Variants in TNIK observed in about 807,000 individuals in gnomAD.
TNIK encodes the protein TRAF2 and NCK-interacting protein kinase.
In TNIK, 49 loss-of-function variants were observed where a neutral mutation model predicts 191.3. The observed-to-expected ratio is 0.26, with a 90% CI of 0.20 to 0.32. The LOEUF (loss-of-function observed/expected upper bound fraction) is 0.32. Ranked by LOEUF, TNIK falls within the 10% of genes least tolerant of loss-of-function variation. The pLI, the probability that TNIK is intolerant of heterozygous loss-of-function variation, is 1.00. For synonymous variants in TNIK, 594 were observed against 600.9 expected (o/e 0.99, Z 0.17); for missense variants, 1,155 against 1,702.3 (o/e 0.68, Z 5.66).
chr3:171,170,573 A>G (rs1735140018), intron 9 of TNIK, among the ~76,000 whole-genome samples: 1 of 152,186 alleles, frequency 6.6e-6, no homozygotes, highest in Admixed American at 6.5e-5. Context: ...TACTTATCTC[A>G]AAAAAAGTTA....
chr3:171,164,335 T>C (rs1734356168), intron 10 of TNIK, among the ~76,000 whole-genome samples: 1 of 152,164 alleles, frequency 6.6e-6, no homozygotes. Flanking sequence ...GGGAGATGGG[T>C]CATGAGTTCT....
rs1305704996 is a variant in TNIK, at chr3:171,168,472, C to T, written c.774-1202G>A. On this transcript the variant is annotated intron_variant, in intron 9 of 32. Transcript: ENST00000436636. ...AGAACACAATGGAGAGCATGTTCTT[C>T]AACACTCAAACATGACAGGGCACTT... Among the ~76,000 whole-genome samples, 4 of 152,196 alleles carry T rather than the reference C, an allele frequency of 2.6e-5. No homozygotes were observed. The East Asian group carries it at 5.8e-4, about 22-fold the overall frequency.
At position 171,168,581 on chromosome 3, in the gene TNIK, A is replaced by AT. The variant is rs561331243; in HGVS notation, c.774-1312dup. Among the ~76,000 whole-genome samples the AT allele has an allele frequency of 2.5e-3, 382 of 150,422 alleles. 3 individuals carry two copies. The highest frequency in any genetic ancestry group is 2.9e-3 in the Non-Finnish European group (196 of 67,458). On this transcript the variant is annotated intron_variant, in intron 9 of 32. Coordinates refer to ENST00000436636, the MANE Select transcript of TNIK (RefSeq NM_015028.4). ...GTTTTTAAAGTACTGAATCACTGGT[A>AT]TTTTTTTTTTCCGCTCTAAATTTCT...
intron 2 of TNIK, among the ~76,000 whole-genome samples, chr3:171,276,488 G>A (rs1249148081): frequency 2.0e-5 from 3 of 152,166 alleles, no homozygotes; most frequent in Non-Finnish European, 4.4e-5. Flanking sequence ...AAGGGAAAAT[G>A]GCATTTGGAA....
intron 1 of TNIK, among the ~76,000 whole-genome samples, chr3:171,380,027 GCGCACACACA>G (rs1176719082): frequency 3.4e-5 from 5 of 147,206 alleles, no homozygotes; most frequent in African/African-American, 7.8e-5. Flanking sequence ...ACACACACAC[GCGCACACACA>G]CACACACACA....
intron 1 of TNIK, among the ~76,000 whole-genome samples, chr3:171,419,973 T>A (rs1310096578): frequency 6.6e-6 from 1 of 152,204 alleles, no homozygotes; most frequent in Non-Finnish European, 1.5e-5. Context: ...ATGAACATGT[T>A]TGTGACTCGA....
intron 1 of TNIK, among the ~76,000 whole-genome samples, chr3:171,391,940 A>G (rs1480132536): frequency 6.6e-6 from 1 of 152,172 alleles, no homozygotes; most frequent in Non-Finnish European, 1.5e-5. Context: ...ATTTTTTTTG[A>G]TGACCATAAG....
intron 4 of TNIK, among the ~76,000 whole-genome samples, chr3:171,209,791 T>A (rs1192393747): frequency 6.6e-6 from 1 of 152,222 alleles, no homozygotes; most frequent in East Asian, 1.9e-4. Context: ...TGAGTACTCA[T>A]ATTAAATGAC....
At chr3:171,281,991 A>G (rs1024622659) in intron 2 of TNIK, among the ~76,000 whole-genome samples, 1 of 152,186 alleles carries the variant, frequency 6.6e-6, no homozygotes, top group African/African-American at 2.4e-5. Context: ...GATTTTGGCC[A>G]AAAAATAATA....
At chr3:171,338,520 G>A (rs762506800) in intron 2 of TNIK, among the ~76,000 whole-genome samples, 23 of 152,008 alleles carry the variant, frequency 1.5e-4, no homozygotes, top group Admixed American at 5.2e-4. Flanking sequence ...ACAATGTCTC[G>A]CTCTATTGCC....
intron 2 of TNIK, among the ~76,000 whole-genome samples, chr3:171,338,525 A>G (rs1479052933): frequency 8.5e-5 from 13 of 152,070 alleles, no homozygotes; most frequent in Non-Finnish European, 1.5e-5. Flanking sequence ...GTCTCGCTCT[A>G]TTGCCCAGGC....
At chr3:171,186,214 T>C (rs1577067021) in intron 7 of TNIK, among the ~76,000 whole-genome samples, 1 of 152,204 alleles carries the variant, frequency 6.6e-6, no homozygotes. Context: ...TTCCTAAGGA[T>C]ACTGAACAGA....
chr3:171,445,072 GA>G (rs1343546466), intron 1 of TNIK, among the ~76,000 whole-genome samples: 1 of 151,870 alleles, frequency 6.6e-6, no homozygotes, highest in Non-Finnish European at 1.5e-5. Flanking sequence ...ACATGCTTCT[GA>G]ATTACTAGGA....
chr3:171,312,635 T>C (rs1353244204), intron 2 of TNIK, among the ~76,000 whole-genome samples: 1 of 152,148 alleles, frequency 6.6e-6, no homozygotes, highest in Admixed American at 6.5e-5. Context: ...CTCTTTCCTG[T>C]TTCATCATCA....
At chr3:171,415,113 T>A (rs957955654) in intron 1 of TNIK, among the ~76,000 whole-genome samples, 3 of 152,180 alleles carry the variant, frequency 2.0e-5, no homozygotes, top group Non-Finnish European at 4.4e-5. Flanking sequence ...GTATGTACCA[T>A]CTCAGTACCT....
chr3:171,127,836 G>C (rs959803570), intron 16 of TNIK, among the ~76,000 whole-genome samples: 1 of 152,138 alleles, frequency 6.6e-6, no homozygotes, highest in Non-Finnish European at 1.5e-5. Context: ...AGTTCAAACA[G>C]CATTACATAT....
At chr3:171,138,426 A>G (rs762880249) in intron 14 of TNIK, 47 bp from the exon 15 acceptor site, 25 of 1,460,060 alleles carry the variant, frequency 1.7e-5, no homozygotes, top group Non-Finnish European at 2.3e-5. Context: ...AAATTATCAC[A>G]TAGAAATCAT....
At chr3:171,184,344 C>G (rs1352670496) in intron 7 of TNIK, among the ~76,000 whole-genome samples, 1 of 152,102 alleles carries the variant, frequency 6.6e-6, no homozygotes, top group East Asian at 1.9e-4. Context: ...AAACTGAGGA[C>G]AGAAATCTTT....
At chr3:171,186,849 C>G (rs765946760) in intron 7 of TNIK, among the ~76,000 whole-genome samples, 1 of 152,120 alleles carries the variant, frequency 6.6e-6, no homozygotes, top group Non-Finnish European at 1.5e-5. Flanking sequence ...TGGTCTCACA[C>G]CATTTACAGT....
Sources: gnomAD v4.1 joint callset for allele counts (sites outside exome capture counted in the v4.1 genomes callset) on GRCh38, gnomAD v4.1.1 for gene constraint, MANE v1.5 for transcripts, NCBI Gene and HGNC (gene_info 2026-07-23, HGNC 2026-07-21) for gene names.